Variants in RAB3IL1 observed in about 807,000 individuals in gnomAD.
RAB3IL1 encodes the protein RAB3A interacting protein like 1, also known as guanine nucleotide exchange factor for Rab-3A.
In RAB3IL1, 37 loss-of-function variants were observed where a neutral mutation model predicts 49.2. The ratio of observed to expected loss-of-function variants is 0.75; its 90% CI spans 0.58 to 0.99. The LOEUF (loss-of-function observed/expected upper bound fraction) is 0.99, where lower values mean the gene tolerates loss of function less well. Among genes scored for constraint, RAB3IL1 ranks in the 50% least tolerant of loss-of-function variants. The pLI is 0.00. For missense variants in RAB3IL1, 484 were observed against 513.0 expected, an observed-to-expected ratio of 0.94 and a Z score of 0.55; for synonymous variants, 193 against 213.9, an observed-to-expected ratio of 0.90 and a Z score of 0.85.
upstream of RAB3IL1, among the ~76,000 whole-genome samples, chr11:61,922,430 G>C (rs933702950): frequency 5.3e-5 from 8 of 152,104 alleles, no homozygotes; most frequent in African/African-American, 1.4e-4. Flanking sequence ...GCTGAGGCAG[G>C]AGAATCGCTT....
chr11:61,917,571 C>T (rs1399651170), upstream of RAB3IL1: 1 of 1,085,734 alleles, frequency 9.2e-7, no homozygotes, highest in East Asian at 6.3e-5. Flanking sequence ...GGTCACGTGG[C>T]GGAGGGGGGA....
the RAB3IL1 span, among the ~76,000 whole-genome samples, chr11:61,943,144 G>GACATATATGTC: frequency 6.6e-6 from 1 of 152,142 alleles, no homozygotes; most frequent in African/African-American, 2.4e-5. Context: ...ATATTGAAGT[G>GACATATATGTC]ACATATAGCT....
intron 1 of RAB3IL1, among the ~76,000 whole-genome samples, chr11:61,911,447 G>A (rs1939450989): frequency 6.6e-6 from 1 of 152,154 alleles, no homozygotes; most frequent in Non-Finnish European, 1.5e-5. Flanking sequence ...GGGCTCCTCG[G>A]GTCCAGCCCA....
chr11:61,899,596 C>T (rs1445803428), intron 8 of RAB3IL1: 7 of 573,346 alleles, frequency 1.2e-5, no homozygotes, highest in South Asian at 6.2e-5. Flanking sequence ...TTTCATCAAG[C>T]GCCTGCAGCG....
chr11:61,907,530 A>C, intron 3 of RAB3IL1, 35 bp downstream of exon 3: 1 of 1,613,802 alleles, frequency 6.2e-7, no homozygotes. Context: ...CAGATGACCC[A>C]TTCCCCAAGT....
chr11:61,925,133 G>T (rs1320996925), upstream of RAB3IL1, among the ~76,000 whole-genome samples: 1 of 152,098 alleles, frequency 6.6e-6, no homozygotes, highest in Non-Finnish European at 1.5e-5. Context: ...ATTGCTTTCT[G>T]TTCCCATTTT....
At chr11:61,944,968 TG>T in the RAB3IL1 span, among the ~76,000 whole-genome samples, 2 of 152,222 alleles carry the variant, frequency 1.3e-5, no homozygotes, top group Admixed American at 6.5e-5. Context: ...CCCAAAGTGC[TG>T]GGATTACAGG....
chr11:61,919,753 C>T (rs1393679361), upstream of RAB3IL1, among the ~76,000 whole-genome samples: 1 of 152,218 alleles, frequency 6.6e-6, no homozygotes, highest in Non-Finnish European at 1.5e-5. Flanking sequence ...AGCCTGGCAG[C>T]CTTGACCACA....
At chr11:61,943,072 G>A in the RAB3IL1 span, among the ~76,000 whole-genome samples, 65 of 152,298 alleles carry the variant, frequency 4.3e-4, no homozygotes, top group African/African-American at 1.5e-3. Context: ...AAAGAACAAA[G>A]TTGGAGAACT....
rs544271199 is a variant in RAB3IL1, at chr11:61,912,443, G to A, written c.12-4137C>T. ...GCAAAGCTTGGCTCCCCTAGAGAGC[G>A]GCCAAGTCTTCAGCCCCAAACCCAC... On this transcript the variant is annotated intron_variant, in intron 1 of 9. Transcript: ENST00000394836. 7.7e-4 allele frequency among the ~76,000 whole-genome samples: 117 copies of A among 152,334 alleles called. No homozygotes were observed. The South Asian group carries it at 9.9e-3, about 13-fold the overall frequency.
chr11:61,934,450 G>GTGTATGTATGTATATATATATATA, the RAB3IL1 span, among the ~76,000 whole-genome samples: 14 of 31,560 alleles, frequency 4.4e-4, no homozygotes, highest in Non-Finnish European at 5.6e-4. Flanking sequence ...GTGTGTGTAT[G>GTGTATGTATGTATATATATATATA]TATATATATA....
At chr11:61,902,364 T>C in intron 8 of RAB3IL1, 78 bp downstream of exon 8, 1 of 1,234,928 alleles carries the variant, frequency 8.1e-7, no homozygotes, top group Non-Finnish European at 1.2e-6. Flanking sequence ...CTATTCATAC[T>C]CCCAGGCCCA....
chr11:61,902,527 C>T lies in RAB3IL1; in HGVS notation c.914G>A (p.Ser305Asn), dbSNP rs1389146930. The change falls in exon 8 of 10, where the codon AGC becomes AAC. Residue 305 changes from serine (S) to asparagine (N), a missense_variant. Transcript: ENST00000394836. ...DCSSTNTCAL[S>N]GLTRTCRHRI... is the part of the protein sequence containing the mutation. ...GTGGCGGCAGGTGCGGGTCAGCCCG[C>T]TCAGGGCACATGTGCTAGGGGAAAG... is the stretch of plus-strand genomic sequence containing the variant. The T allele has an allele frequency of 4.4e-6, 7 of 1,599,752 alleles. No individual in the cohort carries two copies. In the Admixed American group the frequency reaches 1.2e-4, roughly 28 times the overall value.
chr11:61,934,448 A>ATGTGTATGTATGTG, the RAB3IL1 span, among the ~76,000 whole-genome samples: 1 of 20,396 alleles, frequency 4.9e-5, no homozygotes, highest in South Asian at 2.3e-3. Context: ...GTGTGTGTGT[A>ATGTGTATGTATGTG]TGTATATATA....
chr11:61,905,774 C>T (rs1206485320), intron 5 of RAB3IL1, among the ~76,000 whole-genome samples: 1 of 152,148 alleles, frequency 6.6e-6, no homozygotes, highest in East Asian at 1.9e-4. Flanking sequence ...TGAGGCACTA[C>T]CTGGGTGCAG....
At chr11:61,919,915 G>T, upstream of RAB3IL1, 2 of 588,450 alleles carry the variant, frequency 3.4e-6, no homozygotes, top group Non-Finnish European at 5.0e-6. Flanking sequence ...CCTCTGTACA[G>T]CCACCAAATT....
chr11:61,916,638 C>A (rs1404567490), intron 1 of RAB3IL1, among the ~76,000 whole-genome samples: 1 of 152,236 alleles, frequency 6.6e-6, no homozygotes, highest in Non-Finnish European at 1.5e-5. Context: ...TGGTCTTTCC[C>A]GGCCACGGGG....
Position 61,907,426 on chromosome 11 carries a change from T to A in RAB3IL1, c.405A>T (p.Ala135=), listed in dbSNP as rs1752652725. The change falls in exon 4 of 10, where the codon GCA becomes GCT. Residue 135 remains alanine (A), a synonymous_variant. Coordinates refer to ENST00000394836, the MANE Select transcript of RAB3IL1 (RefSeq NM_013401.4). ...MVREANMKQA[A]SEKQLKEARG... ...GAGCCTCCTTCAGCTGCTTTTCTGA[T>A]GCCGCCTGCTTCATGTTGGCTTCTC... 6.2e-7 allele frequency: 1 copy of A among 1,614,060 alleles called. No individual in the cohort carries two copies. The highest frequency in any genetic ancestry group is 1.1e-5 in the South Asian group (1 of 91,084).
Position 61,897,572 on chromosome 11 carries a change from C to G in RAB3IL1, c.*706G>C, listed in dbSNP as rs1938684443. 1 of 151,964 alleles carries G rather than the reference C, an allele frequency of 6.6e-6. No homozygotes were observed. The highest frequency in any genetic ancestry group is 1.5e-5 in the Non-Finnish European group (1 of 68,030). The allele number at this position is 151,964 out of a possible 1,614,324, so 9.4% of individuals were successfully genotyped here. A position where few individuals can be genotyped will look rare whatever the true frequency, so the allele number is the denominator to read the frequency against. On this transcript the variant is annotated 3_prime_UTR_variant, in exon 10 of 10. Coordinates refer to ENST00000394836, the MANE Select transcript of RAB3IL1 (RefSeq NM_013401.4). ...TGTGGCAGAAAGTGCCCCAGTCCTT[C>G]CAGCGGTTTTGGGAGCAGGGCCTCC...
Sources: allele counts gnomAD v4.1 joint callset (sites outside exome capture counted in the v4.1 genomes callset), GRCh38; gene constraint gnomAD v4.1.1; transcripts MANE v1.5; gene names NCBI Gene and HGNC (gene_info 2026-07-23, HGNC 2026-07-21).